The following FABP12 variants were observed in gnomAD, a reference collection of about 807,000 sequenced individuals.
The protein encoded by FABP12 is fatty acid-binding protein 12.
Under a neutral mutation model 13.7 loss-of-function variants are expected in FABP12, and 19 were observed. The observed-to-expected ratio is 1.39, with a 90% CI of 0.97 to 2.04. The LOEUF is 2.04. Ranked by LOEUF, FABP12 falls within the 30% of genes most tolerant of loss-of-function variation. FABP12 has a pLI of 0.00. For synonymous variants in FABP12, 61 were observed against 57.0 expected, an observed-to-expected ratio of 1.07 and a Z score of -0.32; for missense variants, 182 against 164.2, an observed-to-expected ratio of 1.11 and a Z score of -0.59.
intron 1 of FABP12, among the ~76,000 whole-genome samples, chr8:81,548,787 G>A (rs1037198405): frequency 1.3e-5 from 2 of 152,142 alleles, no homozygotes; most frequent in African/African-American, 2.4e-5. Flanking sequence ...AGTATAGCAT[G>A]TATGGTGTGG....
exon 5 of FABP12, chr8:81,525,111 C>G: frequency 6.3e-7 from 1 of 1,580,916 alleles, no homozygotes; most frequent in Non-Finnish European, 8.6e-7. Flanking sequence ...ACACTGTTCA[C>G]AGTACTTTCC....
chr8:81,530,094 G>T (rs931792175), intron 2 of FABP12, among the ~76,000 whole-genome samples: 1 of 151,990 alleles, frequency 6.6e-6, no homozygotes, highest in Non-Finnish European at 1.5e-5. Context: ...TGTTTTTATT[G>T]TGGTAAAATA....
chr8:81,530,623 A>G (rs896735102), intron 2 of FABP12, among the ~76,000 whole-genome samples: 2 of 152,256 alleles, frequency 1.3e-5, no homozygotes, highest in South Asian at 2.1e-4. Context: ...AATGGTTCCT[A>G]AAGATATTCA....
At position 81,582,646 on chromosome 8, in the gene FABP12, CA is replaced by C. The variant is rs1810184139; in HGVS notation, c.-185+7406del. ...TATAATGATAAAGATATCATTTCAG[CA>C]AGAGGTTATGACAATTCTAAACATA... On this transcript the variant is annotated intron_variant, in intron 1 of 5. Coordinates refer to the FABP12 transcript ENST00000692030. 2.0e-5 allele frequency among the ~76,000 whole-genome samples: 3 copies of C among 151,882 alleles called. 1 individual carries two copies. Among genetic ancestry groups the C allele is most frequent in the Non-Finnish European group, 4.4e-5 (3 of 67,978 alleles).
chr8:81,526,827 GT>G (rs1387028347), intron 4 of FABP12, among the ~76,000 whole-genome samples, 192 bp downstream of exon 4: 2 of 151,608 alleles, frequency 1.3e-5, no homozygotes. Flanking sequence ...ATTCTCTTTA[GT>G]TTTTTAGTTC....
chr8:81,544,088 G>A (rs546085664), intron 1 of FABP12, among the ~76,000 whole-genome samples: 1 of 152,278 alleles, frequency 6.6e-6, no homozygotes, highest in South Asian at 2.1e-4. Context: ...AAAGTAAGAG[G>A]AGCAGGTACA....
chr8:81,579,713 T>A (rs1810124690), intron 1 of FABP12, among the ~76,000 whole-genome samples: 1 of 152,236 alleles, frequency 6.6e-6, no homozygotes, highest in Non-Finnish European at 1.5e-5. Flanking sequence ...TGAGTCAGGA[T>A]ATAAACAAAG....
chr8:81,589,352 T>A (rs1217798673), intron 1 of FABP12, among the ~76,000 whole-genome samples: 1 of 151,804 alleles, frequency 6.6e-6, no homozygotes, highest in Non-Finnish European at 1.5e-5. Context: ...AGCCTAGGAG[T>A]TTGAGACCAA....
chr8:81,549,924 T>C (rs1186416108), intron 1 of FABP12, among the ~76,000 whole-genome samples: 1 of 152,228 alleles, frequency 6.6e-6, no homozygotes, highest in Non-Finnish European at 1.5e-5. Flanking sequence ...ACTAGACAGA[T>C]AGGAAAAGCT....
chr8:81,583,776 T>C (rs1054875882), intron 1 of FABP12, among the ~76,000 whole-genome samples: 1 of 152,102 alleles, frequency 6.6e-6, no homozygotes, highest in Admixed American at 6.6e-5. Flanking sequence ...AAAGAAAAAC[T>C]AACACTAGTT....
At chr8:81,576,087 A>G (rs1810040318) in intron 1 of FABP12, among the ~76,000 whole-genome samples, 1 of 152,230 alleles carries the variant, frequency 6.6e-6, no homozygotes, top group South Asian at 2.1e-4. Context: ...TTTTCAATCA[A>G]CTAATATTTG....
chr8:81,578,844 A>T (rs1283869864), intron 1 of FABP12, among the ~76,000 whole-genome samples: 8 of 5,494 alleles, frequency 1.5e-3, no homozygotes, highest in South Asian at 4.2e-3. Context: ...TTTTTTTTTG[A>T]GAAGGAGTCT....
chr8:81,531,334 A>T, exon 2 of FABP12: 1 of 1,568,880 alleles, frequency 6.4e-7, no homozygotes, highest in Non-Finnish European at 8.7e-7. Flanking sequence ...AGATAAGTTG[A>T]TCTCAAAGAA....
rs541472233 is a variant in FABP12 at position 81,528,955 on chromosome 8, C to T, written c.246+483G>A. On this transcript the variant is annotated intron_variant, in intron 3 of 4. Transcript: ENST00000360464. Reference sequence around the variant, plus strand: ...CTCCACTACACACACACAAACTTCCCCAATGCCACCCAACACTACGTATGT... The same window carrying T: ...CTCCACTACACACACACAAACTTCCTCAATGCCACCCAACACTACGTATGT... Among the ~76,000 whole-genome samples, 14 of 152,138 alleles carry T rather than the reference C, an allele frequency of 9.2e-5. No individual in the cohort carries two copies. In the East Asian group the frequency reaches 2.5e-3, roughly 27 times the overall value.
chr8:81,529,959 C>G (rs990949653), intron 2 of FABP12, among the ~76,000 whole-genome samples: 1 of 152,176 alleles, frequency 6.6e-6, no homozygotes, highest in East Asian at 1.9e-4. Flanking sequence ...AACTATCTCC[C>G]TATTTTAAAA....
At chr8:81,589,384 T>C (rs1810287838) in intron 1 of FABP12, among the ~76,000 whole-genome samples, 1 of 152,056 alleles carries the variant, frequency 6.6e-6, no homozygotes, top group Non-Finnish European at 1.5e-5. Flanking sequence ...TAGTGAGACC[T>C]AGTATCTACA....
At chr8:81,565,231 T>A (rs1054234575) in intron 1 of FABP12, among the ~76,000 whole-genome samples, 1 of 151,990 alleles carries the variant, frequency 6.6e-6, no homozygotes, top group Non-Finnish European at 1.5e-5. Flanking sequence ...TCCAATACAA[T>A]AATAGCTGGA....
rs1809347969 is a variant in FABP12, at chr8:81,541,764, C to A, written c.-184-2021G>T. Among the ~76,000 whole-genome samples, 3 of 151,996 alleles carry A rather than the reference C, an allele frequency of 2.0e-5. No homozygotes were observed. The South Asian group carries it at 6.2e-4, about 32-fold the overall frequency. On this transcript the variant is annotated intron_variant, in intron 1 of 5. Coordinates refer to the FABP12 transcript ENST00000692030. ...ATGCTGACGATACTTGGATTTCTAT[C>A]TATTGTTACTATAACCTCAGATGTT...
chr8:81,546,186 G>A (rs1809431618), intron 1 of FABP12, among the ~76,000 whole-genome samples: 1 of 152,154 alleles, frequency 6.6e-6, no homozygotes, highest in African/African-American at 2.4e-5. Flanking sequence ...CTGTTATCAA[G>A]CCAGTCATAA....
Sources: gnomAD v4.1 joint callset for allele counts (sites outside exome capture counted in the v4.1 genomes callset) on GRCh38, gnomAD v4.1.1 for gene constraint, MANE v1.5 for transcripts, NCBI Gene and HGNC (gene_info 2026-07-23, HGNC 2026-07-21) for gene names.